The following SLC41A2 variants were observed in gnomAD, a reference collection of about 807,000 sequenced individuals.
SLC41A2 encodes the protein solute carrier family 41 member 2, also known as SLC41A1-like 1.
SLC41A2 carries 32 observed loss-of-function variants against 58.3 expected under a neutral mutation model. That is an observed-to-expected ratio of 0.55 (90% CI 0.41 to 0.74). The LOEUF is 0.74. Ranked by LOEUF, SLC41A2 falls within the 30% of genes least tolerant of loss-of-function variation. The pLI, the probability that SLC41A2 is intolerant of heterozygous loss-of-function variation, is 0.00. For missense variants in SLC41A2, 514 were observed against 680.6 expected (o/e 0.76, Z 2.72); for synonymous variants, 190 against 235.0 (o/e 0.81, Z 1.75).
At chr12:104,929,967 G>C (rs1017167969) in intron 1 of SLC41A2, among the ~76,000 whole-genome samples, 6 of 152,218 alleles carry the variant, frequency 3.9e-5, no homozygotes, top group African/African-American at 9.6e-5. Flanking sequence ...TATGTAGGAC[G>C]TAAGTGGGTG....
At chr12:104,821,310 A>G (rs1223989460) in intron 10 of SLC41A2, among the ~76,000 whole-genome samples, 1 of 152,168 alleles carries the variant, frequency 6.6e-6, no homozygotes, top group African/African-American at 2.4e-5. Context: ...AAAAATTCCC[A>G]AGGAGTCCAT....
At chr12:104,880,156 C>T (rs2044286857) in intron 6 of SLC41A2, among the ~76,000 whole-genome samples, 1 of 152,100 alleles carries the variant, frequency 6.6e-6, no homozygotes, top group African/African-American at 2.4e-5. Context: ...GATTTTTGCA[C>T]ATTGATTTTG....
intron 10 of SLC41A2, among the ~76,000 whole-genome samples, chr12:104,812,825 C>T (rs190745578): frequency 1.3e-5 from 2 of 151,818 alleles, no homozygotes; most frequent in African/African-American, 4.8e-5. Context: ...AGGGGCAAAA[C>T]ACTAATTTAG....
intron 10 of SLC41A2, among the ~76,000 whole-genome samples, chr12:104,812,342 T>C (rs1233704135): frequency 6.6e-6 from 1 of 152,188 alleles, no homozygotes; most frequent in African/African-American, 2.4e-5. Context: ...GTTTGGCACA[T>C]TGGAAGAACT....
At chr12:104,932,690 A>G (rs1272025678) in intron 1 of SLC41A2, among the ~76,000 whole-genome samples, 1 of 151,680 alleles carries the variant, frequency 6.6e-6, no homozygotes, top group Non-Finnish European at 1.5e-5. Flanking sequence ...AAAAGTAGAT[A>G]TATAGACCAA....
At chr12:104,857,969 G>T (rs2043080223) in intron 8 of SLC41A2, among the ~76,000 whole-genome samples, 1 of 151,998 alleles carries the variant, frequency 6.6e-6, no homozygotes, top group Non-Finnish European at 1.5e-5. Context: ...CCTGCACGTT[G>T]TGCACATGTA....
chr12:104,942,418 T>C (rs1482651463), intron 1 of SLC41A2, among the ~76,000 whole-genome samples: 1 of 149,466 alleles, frequency 6.7e-6, no homozygotes, highest in Non-Finnish European at 1.5e-5. Context: ...GTCGAAGCTG[T>C]AGTAAGCCAT....
chr12:104,909,841 C>T, intron 2 of SLC41A2, 79 bp from the exon 3 acceptor site: 1 of 991,934 alleles, frequency 1.0e-6, no homozygotes, highest in Non-Finnish European at 1.5e-6. Flanking sequence ...CTAAAAATCT[C>T]AGCCTTTTTC....
intron 10 of SLC41A2, among the ~76,000 whole-genome samples, chr12:104,828,181 C>T (rs542468774): frequency 6.6e-6 from 1 of 152,306 alleles, no homozygotes; most frequent in East Asian, 1.9e-4. Flanking sequence ...AACACACCGA[C>T]AGGCACCGGC....
At chr12:104,807,714 ATTTG>A (rs2040976595) in intron 10 of SLC41A2, among the ~76,000 whole-genome samples, 1 of 152,152 alleles carries the variant, frequency 6.6e-6, no homozygotes, top group Non-Finnish European at 1.5e-5. Context: ...ATGTTCTTCT[ATTTG>A]TTTGTATCCT....
chr12:104,805,823 A>T (rs75446722), intron 10 of SLC41A2, among the ~76,000 whole-genome samples: 2,788 of 152,278 alleles, frequency 0.018, 102 homozygotes, highest in African/African-American at 0.063. Flanking sequence ...TGCAGTAGTA[A>T]GACCAATAAC....
chr12:104,803,887 C>T lies in SLC41A2; in HGVS notation c.*1265G>A, dbSNP rs974844403. ...AAGTCAACGGGCTTCTTTAAAAGAG[C>T]AAATGAATCACTTGCTCATTTTAAA... is the stretch of plus-strand genomic sequence containing the variant. On this transcript the variant is annotated 3_prime_UTR_variant, in exon 11 of 11. Transcript: ENST00000258538. 2 of 151,970 alleles carry T rather than the reference C, an allele frequency of 1.3e-5. No individual in the cohort carries two copies. The highest frequency in any genetic ancestry group is 1.3e-4 in the Admixed American group (2 of 15,252). The allele number at this position is 151,970 out of a possible 1,614,324, so 9.4% of individuals were successfully genotyped here. A position where few individuals can be genotyped will look rare whatever the true frequency, so the allele number is the denominator to read the frequency against.
intron 10 of SLC41A2, among the ~76,000 whole-genome samples, chr12:104,831,286 T>C (rs185724132): frequency 4.6e-5 from 7 of 152,160 alleles, no homozygotes; most frequent in Admixed American, 3.3e-4. Flanking sequence ...GTCTTAAAAA[T>C]AAAATGTCTT....
At chr12:104,943,574 G>A (rs572704822) in intron 1 of SLC41A2, among the ~76,000 whole-genome samples, 135 of 152,282 alleles carry the variant, frequency 8.9e-4, no homozygotes, top group African/African-American at 3.1e-3. Context: ...CCCATACTCC[G>A]ATGTTAATGA....
chr12:104,823,014 A>C (rs954656079), intron 10 of SLC41A2, among the ~76,000 whole-genome samples: 4 of 152,196 alleles, frequency 2.6e-5, no homozygotes, highest in Non-Finnish European at 4.4e-5. Flanking sequence ...GAGAAAGAAC[A>C]TAGAGAACAA....
At chr12:104,878,319 A>ATG (rs1474419841) in intron 6 of SLC41A2, among the ~76,000 whole-genome samples, 1 of 147,930 alleles carries the variant, frequency 6.8e-6, no homozygotes, top group Non-Finnish European at 1.5e-5. Flanking sequence ...ATATATATAT[A>ATG]TATATATACA....
At position 104,844,433 on chromosome 12, in the gene SLC41A2, C is replaced by A. The variant is rs568179759; in HGVS notation, c.1536+39G>T. ...TCCACAGTTGTACTTTTACAGCAGTCTCAGCATAAAAGAGATTTCAAGAAG... is the reference window on the plus strand; with the variant it reads ...TCCACAGTTGTACTTTTACAGCAGTATCAGCATAAAAGAGATTTCAAGAAG... On this transcript the variant is annotated intron_variant, in intron 10 of 10. Transcript: ENST00000258538. 121 of 1,313,822 alleles carry A rather than the reference C, an allele frequency of 9.2e-5. No individual in the cohort carries two copies. The South Asian group carries it at 2.7e-3, about 29-fold the overall frequency. The allele number at this position is 1,313,822 out of a possible 1,614,324, so 81.4% of individuals were successfully genotyped here.
chr12:104,805,341 G>A lies in SLC41A2; in HGVS notation c.1537-4C>T. ...CAATCCACAGCAAGGTAAATACCTA[G>A]AAGAGAACAACAGAGATTACTCCGG... On this transcript the variant is annotated splice_region_variant and splice_polypyrimidine_tract_variant and intron_variant, in intron 10 of 10. Transcript: ENST00000258538. 1 of 1,611,470 alleles carries A rather than the reference G, an allele frequency of 6.2e-7. No individual in the cohort carries two copies. The highest frequency in any genetic ancestry group is 8.5e-7 in the Non-Finnish European group (1 of 1,178,740).
chr12:104,813,435 G>A (rs1011194961), intron 10 of SLC41A2, among the ~76,000 whole-genome samples: 38 of 151,960 alleles, frequency 2.5e-4, no homozygotes, highest in African/African-American at 8.7e-4. Flanking sequence ...CAAAATCCTC[G>A]TCTATGACAA....
Sources: allele counts gnomAD v4.1 joint callset (sites outside exome capture counted in the v4.1 genomes callset), GRCh38; gene constraint gnomAD v4.1.1; transcripts MANE v1.5; gene names NCBI Gene and HGNC (gene_info 2026-07-23, HGNC 2026-07-21).